Variants in CRISP2 observed in about 807,000 individuals in gnomAD.
The protein encoded by CRISP2 is cysteine-rich secretory protein 2.
In CRISP2, 29 loss-of-function variants were observed where a neutral mutation model predicts 31.7. The ratio of observed to expected loss-of-function variants is 0.92; its 90% CI spans 0.68 to 1.25. The LOEUF is 1.25. CRISP2 is among the 50% of genes most tolerant of loss of function. The pLI is 0.00. For missense variants in CRISP2, 318 were observed against 286.5 expected (o/e 1.11, Z -0.79); for synonymous variants, 111 against 101.4 (o/e 1.09, Z -0.57).
At chr6:49,686,689 C>G in the CRISP2 span, among the ~76,000 whole-genome samples, 2 of 152,142 alleles carry the variant, frequency 1.3e-5, no homozygotes, top group Non-Finnish European at 2.9e-5. Context: ...TTGACCCAGC[C>G]ATCCCATTAC....
downstream of CRISP2, among the ~76,000 whole-genome samples, chr6:49,688,398 A>G (rs564398689): frequency 1.3e-5 from 2 of 152,332 alleles, no homozygotes; most frequent in East Asian, 3.9e-4. Context: ...TATACAGAAT[A>G]TAAATACAAA....
chr6:49,697,216 T>C (rs1294802401), intron 8 of CRISP2, among the ~76,000 whole-genome samples: 1 of 152,174 alleles, frequency 6.6e-6, no homozygotes, highest in Non-Finnish European at 1.5e-5. Context: ...ACTCTAAACA[T>C]ATTGTTTAAT....
the CRISP2 span, among the ~76,000 whole-genome samples, chr6:49,679,881 T>G: frequency 6.6e-6 from 1 of 152,056 alleles, no homozygotes; most frequent in Non-Finnish European, 1.5e-5. Flanking sequence ...CATTTTTGTA[T>G]TTTTAGTAGA....
downstream of CRISP2, among the ~76,000 whole-genome samples, chr6:49,688,538 C>CAA (rs1475401466): frequency 6.6e-6 from 1 of 151,760 alleles, no homozygotes; most frequent in Admixed American, 6.6e-5. Flanking sequence ...AGGTACAGGC[C>CAA]AAAAAGCCAT....
chr6:49,707,789 A>G (rs983984610), intron 4 of CRISP2, among the ~76,000 whole-genome samples: 20 of 152,208 alleles, frequency 1.3e-4, no homozygotes, highest in African/African-American at 4.8e-4. Flanking sequence ...AGCAATGCCA[A>G]AGCTGTTTCA....
the CRISP2 span, among the ~76,000 whole-genome samples, chr6:49,677,117 T>C: frequency 4.6e-5 from 7 of 152,118 alleles, no homozygotes; most frequent in African/African-American, 9.7e-5. Context: ...GTGAGCTTTA[T>C]TGTTTTCCTT....
downstream of CRISP2, among the ~76,000 whole-genome samples, chr6:49,689,039 T>C (rs188750020): frequency 1.3e-5 from 2 of 152,142 alleles, no homozygotes; most frequent in Admixed American, 1.3e-4. Context: ...GTCCGGCAAA[T>C]TTTTGTAGTT....
chr6:49,678,600 T>C, the CRISP2 span, among the ~76,000 whole-genome samples: 1 of 152,236 alleles, frequency 6.6e-6, no homozygotes, highest in African/African-American at 2.4e-5. Context: ...TATTTGTAAT[T>C]GCAGAGAGTG....
At position 49,698,348 on chromosome 6, in the gene CRISP2, T is replaced by C. The variant is rs761598496; in HGVS notation, c.417+14A>G. 3.1e-6 allele frequency: 5 copies of C among 1,612,192 alleles called. No individual in the cohort carries two copies. The highest frequency in any genetic ancestry group is 3.4e-6 in the Non-Finnish European group (4 of 1,179,062). On this transcript the variant is annotated intron_variant, in intron 7 of 9. Coordinates refer to ENST00000339139, the MANE Select transcript of CRISP2 (RefSeq NM_003296.4). ...AACATCTGTGACATAGGTATTTTCA[T>C]GCATTCTTCTTACCTGAGTATAATG... is the stretch of plus-strand genomic sequence containing the variant.
the CRISP2 span, among the ~76,000 whole-genome samples, chr6:49,682,607 CTTTCTT>C: frequency 1.5e-5 from 1 of 65,124 alleles, no homozygotes; most frequent in Admixed American, 1.7e-4. Context: ...TTCTTTCTTT[CTTTCTT>C]TCTTTCTTTC....
downstream of CRISP2, among the ~76,000 whole-genome samples, chr6:49,687,890 C>G (rs552420907): frequency 6.6e-6 from 1 of 152,188 alleles, no homozygotes; most frequent in South Asian, 2.1e-4. Flanking sequence ...TTACCCCTCC[C>G]CTGATGCAGC....
intron 4 of CRISP2, among the ~76,000 whole-genome samples, chr6:49,707,956 A>G (rs1767353358): frequency 6.6e-6 from 1 of 151,920 alleles, no homozygotes; most frequent in African/African-American, 2.4e-5. Context: ...TCACATACTA[A>G]CTCTATTATC....
intron 4 of CRISP2, among the ~76,000 whole-genome samples, chr6:49,707,713 C>T (rs1380757396): frequency 1.3e-5 from 2 of 152,150 alleles, no homozygotes; most frequent in Non-Finnish European, 2.9e-5. Context: ...GTGTCAGAGT[C>T]CTCCAGTCTG....
chr6:49,683,688 A>ATGTATAT, the CRISP2 span, among the ~76,000 whole-genome samples: 2 of 17,322 alleles, frequency 1.2e-4, 1 homozygote, highest in South Asian at 9.9e-3. Context: ...AAAAAAAAAA[A>ATGTATAT]AAAAAAATAT....
intron 8 of CRISP2, among the ~76,000 whole-genome samples, chr6:49,696,773 A>G (rs1764838659): frequency 2.0e-5 from 3 of 152,224 alleles, no homozygotes; most frequent in Admixed American, 6.5e-5. Flanking sequence ...GACCCAAGGA[A>G]GTGCAGCTGA....
At chr6:49,701,933 T>G (rs1765998539) in intron 4 of CRISP2, among the ~76,000 whole-genome samples, 1 of 11,046 alleles carries the variant, frequency 9.1e-5, no homozygotes, top group South Asian at 1.5e-3. Flanking sequence ...ATATATAATA[T>G]ATAATATATG....
the CRISP2 span, among the ~76,000 whole-genome samples, chr6:49,682,571 CTT>C: frequency 0.024 from 2,511 of 103,556 alleles, 121 homozygotes; most frequent in African/African-American, 0.086. Context: ...CTCTTTCTTT[CTT>C]TTTCTTTCTT....
chr6:49,681,740 C>T, the CRISP2 span, among the ~76,000 whole-genome samples: 3 of 152,180 alleles, frequency 2.0e-5, no homozygotes, highest in Admixed American at 2.0e-4. Flanking sequence ...TTTTCCCAGG[C>T]TGGCCTCAAA....
At chr6:49,694,995 T>C (rs1309884110) in intron 9 of CRISP2, among the ~76,000 whole-genome samples, 1 of 152,058 alleles carries the variant, frequency 6.6e-6, no homozygotes, top group Non-Finnish European at 1.5e-5. Flanking sequence ...GCCTGATTTA[T>C]AGCTTTGGTA....
Sources: gnomAD v4.1 joint callset for allele counts (sites outside exome capture counted in the v4.1 genomes callset) on GRCh38, gnomAD v4.1.1 for gene constraint, MANE v1.5 for transcripts, NCBI Gene and HGNC (gene_info 2026-07-23, HGNC 2026-07-21) for gene names.